CDH18: variants seen among roughly 807,000 people sequenced by gnomAD.
The protein encoded by CDH18 is cadherin-18.
In CDH18, 31 loss-of-function variants were observed where a neutral mutation model predicts 67.9. That is an observed-to-expected ratio of 0.46 (90% CI 0.34 to 0.62). CDH18 has a LOEUF of 0.62. Among genes scored for constraint, CDH18 ranks in the 20% least tolerant of loss-of-function variants. The pLI is 0.01. For synonymous variants in CDH18, 362 were observed against 347.2 expected (o/e 1.04, Z -0.48); for missense variants, 890 against 975.5 (o/e 0.91, Z 1.17).
chr5:20,228,738 T>G (rs1487374216), intron 2 of CDH18, among the ~76,000 whole-genome samples: 3 of 152,136 alleles, frequency 2.0e-5, no homozygotes, highest in African/African-American at 7.2e-5. Context: ...CCTGGCTTAT[T>G]TCACTTAGCA....
intron 1 of CDH18, among the ~76,000 whole-genome samples, chr5:20,501,480 TATTA>T (rs1444025067): frequency 1.2e-5 from 1 of 83,928 alleles, no homozygotes; most frequent in Non-Finnish European, 2.4e-5. Context: ...ATTATATACA[TATTA>T]TATATATTTT....
At chr5:19,675,245 T>A (rs544801366) in intron 5 of CDH18, among the ~76,000 whole-genome samples, 130 of 150,288 alleles carry the variant, frequency 8.7e-4, no homozygotes, top group African/African-American at 3.1e-3. Flanking sequence ...AAATTAAAAT[T>A]GCTAATGAAG....
At chr5:20,041,325 T>G (rs990490024) in intron 2 of CDH18, among the ~76,000 whole-genome samples, 7 of 152,208 alleles carry the variant, frequency 4.6e-5, no homozygotes, top group Non-Finnish European at 1.0e-4. Context: ...TATTTGCCAG[T>G]CTTTTCATTT....
chr5:20,201,114 G>A (rs896418973), intron 2 of CDH18, among the ~76,000 whole-genome samples: 1 of 151,822 alleles, frequency 6.6e-6, no homozygotes, highest in Non-Finnish European at 1.5e-5. Flanking sequence ...TCTAAAACCT[G>A]CAGCTGAGAA....
intron 6 of CDH18, among the ~76,000 whole-genome samples, chr5:19,595,137 A>C (rs80176831): frequency 6.6e-6 from 1 of 152,210 alleles, no homozygotes; most frequent in African/African-American, 2.4e-5. Flanking sequence ...ATCTATACAC[A>C]CTAATAAAAA....
rs149716018 is a variant in CDH18 at position 19,744,737 on chromosome 5, C to G, written c.523+2205G>C. ...TAGATTTGGGGCTTCAGTGTTTTCT[C>G]TGTAGGCCGTAAATGGGACTCAACT... On this transcript the variant is annotated intron_variant, in intron 4 of 12. Coordinates refer to ENST00000382275, the MANE Select transcript of CDH18 (RefSeq NM_004934.5). Among the ~76,000 whole-genome samples, 997 of 152,260 alleles carry G rather than the reference C, an allele frequency of 6.5e-3. 13 individuals carry two copies. Among genetic ancestry groups the G allele is most frequent in the African/African-American group, 0.023 (965 of 41,554 alleles).
chr5:20,163,217 C>T (rs1736031975), intron 2 of CDH18, among the ~76,000 whole-genome samples: 1 of 151,972 alleles, frequency 6.6e-6, no homozygotes, highest in African/African-American at 2.4e-5. Flanking sequence ...TTTCTATAAG[C>T]AACTCAAAAG....
chr5:19,812,043 A>G (rs1435543312), intron 3 of CDH18, among the ~76,000 whole-genome samples: 1 of 152,200 alleles, frequency 6.6e-6, no homozygotes, highest in Non-Finnish European at 1.5e-5. Context: ...ACCCATCTGG[A>G]AAGTACTTTA....
intron 1 of CDH18, among the ~76,000 whole-genome samples, chr5:20,331,740 G>A (rs1739211180): frequency 6.6e-6 from 1 of 152,124 alleles, no homozygotes; most frequent in South Asian, 2.1e-4. Flanking sequence ...CCAACTTCCT[G>A]AAGTCTCAAG....
intron 4 of CDH18, among the ~76,000 whole-genome samples, chr5:19,738,183 T>C (rs1184806797): frequency 1.9e-4 from 3 of 15,770 alleles, no homozygotes; most frequent in Non-Finnish European, 6.3e-4. Context: ...TTTTAAAATA[T>C]ATTTTTAAGG....
intron 2 of CDH18, among the ~76,000 whole-genome samples, chr5:19,916,759 G>C (rs1791842175): frequency 6.6e-6 from 1 of 152,160 alleles, no homozygotes; most frequent in Non-Finnish European, 1.5e-5. Context: ...ATTCAAGTCT[G>C]TGAAGGGCGT....
At chr5:20,305,234 G>A in intron 1 of CDH18, 2 of 1,379,948 alleles carry the variant, frequency 1.4e-6, no homozygotes, top group Non-Finnish European at 2.1e-6. Context: ...CCAAATCCAG[G>A]AAACCGTCCT....
At chr5:19,742,341 T>TA (rs1769322052) in intron 4 of CDH18, among the ~76,000 whole-genome samples, 1 of 152,106 alleles carries the variant, frequency 6.6e-6, no homozygotes, top group African/African-American at 2.4e-5. Context: ...TGCAAAGCTA[T>TA]ATAGAAAATC....
At chr5:20,560,437 C>T (rs1758134141) in intron 1 of CDH18, among the ~76,000 whole-genome samples, 1 of 149,692 alleles carries the variant, frequency 6.7e-6, no homozygotes. Flanking sequence ...CATCTAATGA[C>T]TTTAACCACT....
chr5:19,820,876 A>G (rs759894294), intron 3 of CDH18, among the ~76,000 whole-genome samples: 1 of 152,156 alleles, frequency 6.6e-6, no homozygotes, highest in Non-Finnish European at 1.5e-5. Context: ...AAGAAACACA[A>G]CCAATCCATA....
chr5:19,831,740 C>T (rs917179411), intron 3 of CDH18, among the ~76,000 whole-genome samples: 1 of 151,890 alleles, frequency 6.6e-6, no homozygotes, highest in African/African-American at 2.4e-5. Context: ...ACCATCCAAC[C>T]CACTAATGGA....
In CDH18 at chr5:20,531,137, A is replaced by G. The variant is rs573895558; in HGVS notation, c.-580+44325T>C. On this transcript the variant is annotated intron_variant, in intron 1 of 14. Coordinates refer to the CDH18 transcript ENST00000507958. Reference sequence around the variant, plus strand: ...TATATGGCCAACAAACATATGAAAAATAGCTCAACACCACTGATAATTAGA... The same window carrying G: ...TATATGGCCAACAAACATATGAAAAGTAGCTCAACACCACTGATAATTAGA... Among the ~76,000 whole-genome samples, 7 of 152,256 alleles carry G rather than the reference A, an allele frequency of 4.6e-5. No individual in the cohort carries two copies. The East Asian group carries it at 1.4e-3, about 29-fold the overall frequency.
In CDH18 at chr5:20,210,235, T is replaced by G. The variant is rs1740250495; in HGVS notation, c.-518+45209A>C. ...AACTGAGTTTTAAATTTATCAATTT[T>G]CTTGCTTTATCTACTTTCTAAGTTA... On this transcript the variant is annotated intron_variant, in intron 2 of 14. Transcript: ENST00000507958. 3.3e-5 allele frequency among the ~76,000 whole-genome samples: 5 copies of G among 152,004 alleles called. 1 individual carries two copies. In the South Asian group the frequency reaches 1.0e-3, roughly 32 times the overall value.
chr5:20,193,798 A>C (rs1025444354), intron 2 of CDH18, among the ~76,000 whole-genome samples: 1 of 152,156 alleles, frequency 6.6e-6, no homozygotes, highest in Admixed American at 6.5e-5. Context: ...GGTTCAACAT[A>C]AGCAAATTAA....
Sources: allele counts gnomAD v4.1 joint callset (sites outside exome capture counted in the v4.1 genomes callset), GRCh38; gene constraint gnomAD v4.1.1; transcripts MANE v1.5; gene names NCBI Gene and HGNC (gene_info 2026-07-23, HGNC 2026-07-21).